Variants in RPGRIP1L observed in about 807,000 individuals in gnomAD.
RPGRIP1L encodes the protein RPGRIP1 like, also known as protein fantom.
RPGRIP1L carries 131 observed loss-of-function variants against 160.4 expected under a neutral mutation model. The ratio of observed to expected loss-of-function variants is 0.82; its 90% CI spans 0.71 to 0.94. The LOEUF is 0.94. RPGRIP1L is among the 40% of genes least tolerant of loss of function. RPGRIP1L has a pLI of 0.00. For missense variants in RPGRIP1L, 1,522 were observed against 1,535.8 expected (o/e 0.99, Z 0.15); for synonymous variants, 510 against 515.8 (o/e 0.99, Z 0.15).
At chr16:53,672,802 T>G in intron 8 of RPGRIP1L, 68 bp downstream of exon 8, 2 of 1,394,580 alleles carry the variant, frequency 1.4e-6, no homozygotes, top group Non-Finnish European at 2.0e-6. Context: ...ATATCTCTAT[T>G]TTACTTTTTC....
At chr16:53,701,894 G>A (rs1480144226) in intron 1 of RPGRIP1L, 2 of 152,104 alleles carry the variant, frequency 1.3e-5, no homozygotes, top group Non-Finnish European at 2.9e-5. Context: ...AAATGGTGGA[G>A]AACCATTGCA....
At chr16:53,619,474 C>G (rs1005785811) in intron 23 of RPGRIP1L, among the ~76,000 whole-genome samples, 1 of 152,186 alleles carries the variant, frequency 6.6e-6, no homozygotes. Context: ...AAATACCCCA[C>G]TAGTAGTCTA....
Position 53,657,461 on chromosome 16 carries a change from C to G in RPGRIP1L, c.1573G>C (p.Asp525His), listed in dbSNP as rs1967358676. The G allele has an allele frequency of 1.9e-6, 3 of 1,606,082 alleles. No homozygotes were observed. The highest frequency in any genetic ancestry group is 1.3e-5 in the African/African-American group (1 of 74,822). Residue 525 changes from aspartate to histidine, a missense_variant, in exon 13 of 27, where the codon GAT becomes CAT. Transcript: ENST00000647211. ...TTAGTGTATTACATTACCTGATAAT[C>G]TTTATTAATTTTGTGTTGCATAATT... Reference protein sequence around the residue: ...MLIMQHKINKDYQMEVEAVTR... With the variant: ...MLIMQHKINKHYQMEVEAVTR...
chr16:53,639,136 C>G (rs2151045403), intron 19 of RPGRIP1L, among the ~76,000 whole-genome samples: 1 of 151,770 alleles, frequency 6.6e-6, no homozygotes, highest in Admixed American at 6.6e-5. Flanking sequence ...AGCTATTATT[C>G]CTGGGTTAAC....
At chr16:53,634,620 G>C (rs749768086) in intron 22 of RPGRIP1L, among the ~76,000 whole-genome samples, 70 of 152,064 alleles carry the variant, frequency 4.6e-4, no homozygotes, top group Non-Finnish European at 5.7e-4. Context: ...CTTGAGAGCT[G>C]ATTGTTATAA....
intron 7 of RPGRIP1L, among the ~76,000 whole-genome samples, chr16:53,673,545 T>C (rs956623512): frequency 2.0e-5 from 3 of 152,156 alleles, no homozygotes; most frequent in Non-Finnish European, 4.4e-5. Context: ...ATGGTCTATT[T>C]ATGACCATGC....
chr16:53,663,984 G>C (rs967488260), intron 10 of RPGRIP1L, among the ~76,000 whole-genome samples: 4 of 152,146 alleles, frequency 2.6e-5, no homozygotes, highest in African/African-American at 9.7e-5. Context: ...AACTAGAAAC[G>C]TAACTGTTTT....
In RPGRIP1L at chr16:53,652,621, T is replaced by G. The variant is rs1966879125; in HGVS notation, c.2066A>C (p.Glu689Ala). 2 of 1,614,034 alleles carry G rather than the reference T, an allele frequency of 1.2e-6. No individual in the cohort carries two copies. Among genetic ancestry groups the G allele is most frequent in the Non-Finnish European group, 1.7e-6 (2 of 1,180,000 alleles). ...TLEVHQAYST[E>A]YETIAACQLK... ...TTGACATGCTGCAATTGTTTCATAT[T>G]CTGTGCTATAAGCCTGGTGGACCTC... The change falls in exon 15 of 27, where the codon GAA (glutamate) becomes GCA (alanine). Residue 689 changes from glutamate (E) to alanine (A), a missense_variant. Glu to Ala is a moderately radical substitution (Grantham distance 107). Transcript: ENST00000647211.
rs1478742985 is a variant in RPGRIP1L at position 53,656,553 on chromosome 16, A to C, written c.1618T>G (p.Leu540Val). Reference protein sequence around the residue: ...VEAVTRKMENLQQDYELKVEQ... With the variant: ...VEAVTRKMENVQQDYELKVEQ... ...ACTTTGAGTTCATAATCTTGCTGCA[A>C]ATTTTCCATCTTACGGGTCACTGCC... Residue 540 changes from leucine to valine, a missense_variant, in exon 14 of 27, where the codon TTG (leucine) becomes GTG (valine). By Grantham distance (32) the Leu-to-Val change is conservative. Coordinates refer to ENST00000647211, the MANE Select transcript of RPGRIP1L (RefSeq NM_015272.5). 6.2e-7 allele frequency: 1 copy of C among 1,614,004 alleles called. No homozygotes were observed. Among genetic ancestry groups the C allele is most frequent in the Non-Finnish European group, 8.5e-7 (1 of 1,179,904 alleles).
intron 24 of RPGRIP1L, among the ~76,000 whole-genome samples, chr16:53,616,518 C>T (rs561636279): frequency 3.3e-5 from 5 of 152,208 alleles, no homozygotes; most frequent in South Asian, 2.1e-4. Context: ...CTTCTAAGCA[C>T]GGAGTACATT....
At chr16:53,666,432 A>G (rs541338427) in intron 9 of RPGRIP1L, among the ~76,000 whole-genome samples, 6 of 152,248 alleles carry the variant, frequency 3.9e-5, no homozygotes, top group African/African-American at 1.4e-4. Flanking sequence ...TCCAAATAAA[A>G]TATGTATTTT....
At chr16:53,669,062 T>C (rs1334613933) in intron 9 of RPGRIP1L, among the ~76,000 whole-genome samples, 1 of 152,212 alleles carries the variant, frequency 6.6e-6, no homozygotes, top group East Asian at 1.9e-4. Flanking sequence ...TTTAAAAACA[T>C]GTTATCATTA....
At chr16:53,658,352 C>T (rs1486851184) in intron 12 of RPGRIP1L, 62 bp downstream of exon 12, 2 of 1,176,322 alleles carry the variant, frequency 1.7e-6, no homozygotes, top group Admixed American at 3.4e-5. Flanking sequence ...AGATAAGGGT[C>T]ATCATTATGC....
intron 14 of RPGRIP1L, among the ~76,000 whole-genome samples, chr16:53,655,175 C>T (rs1214475252): frequency 6.6e-6 from 1 of 152,144 alleles, no homozygotes; most frequent in African/African-American, 2.4e-5. Flanking sequence ...TCTATTAAGC[C>T]AGTCTCTAAG....
intron 14 of RPGRIP1L, chr16:53,655,426 A>G (rs1298163139): frequency 6.6e-6 from 1 of 151,842 alleles, no homozygotes; most frequent in Non-Finnish European, 1.5e-5. Flanking sequence ...ATAAGTTTTA[A>G]GAGTGTAAAA....
chr16:53,628,722 CT>C (rs1259908788), intron 22 of RPGRIP1L: 1 of 152,164 alleles, frequency 6.6e-6, no homozygotes, highest in African/African-American at 2.4e-5. Flanking sequence ...AGTAATCTAT[CT>C]TTTCTAACAT....
intron 2 of RPGRIP1L, among the ~76,000 whole-genome samples, chr16:53,696,936 G>C (rs1970807560): frequency 6.6e-6 from 1 of 152,218 alleles, no homozygotes; most frequent in Non-Finnish European, 1.5e-5. Flanking sequence ...GCTCACGCCT[G>C]TAATCTCAGC....
intron 9 of RPGRIP1L, among the ~76,000 whole-genome samples, chr16:53,666,590 GTGTA>G (rs776885946): frequency 1.5e-5 from 2 of 130,550 alleles, no homozygotes; most frequent in South Asian, 2.5e-4. Context: ...GTGTGTGTGT[GTGTA>G]TATATATATA....
chr16:53,602,115 C>T lies in RPGRIP1L; in HGVS notation c.3909G>A (p.Gln1303=), dbSNP rs1178083248. ...CATCTCTGTATTGCTTGTAGACAGACTGGAGGGCATGGAGAGCTTCGACTG... is the reference window on the plus strand; with the variant it reads ...CATCTCTGTATTGCTTGTAGACAGATTGGAGGGCATGGAGAGCTTCGACTG... The part of the protein sequence containing the change: ...RVTVEALHAL[Q]SVYKQYRDDL... Residue 1303 remains glutamine, a synonymous_variant, in exon 27 of 27, where the codon CAG becomes CAA. Transcript: ENST00000647211. 2 of 1,613,682 alleles carry T rather than the reference C, an allele frequency of 1.2e-6. No individual in the cohort carries two copies. The highest frequency in any genetic ancestry group is 1.7e-6 in the Non-Finnish European group (2 of 1,179,770).
Sources: allele counts gnomAD v4.1 joint callset (sites outside exome capture counted in the v4.1 genomes callset), GRCh38; gene constraint gnomAD v4.1.1; transcripts MANE v1.5; gene names NCBI Gene and HGNC (gene_info 2026-07-23, HGNC 2026-07-21).